Variants in NHS observed in about 807,000 individuals in gnomAD.
NHS encodes the protein NHS actin remodeling regulator, also known as actin remodeling regulator NHS.
Under a neutral mutation model 72.5 loss-of-function variants are expected in NHS, and 5 were observed. The observed-to-expected ratio is 0.07, with a 90% CI of 0.04 to 0.14. NHS has a LOEUF of 0.14. NHS is among the 10% of genes least tolerant of loss of function. NHS has a pLI of 1.00. For missense variants in NHS, 1,072 were observed against 1,355.7 expected, an observed-to-expected ratio of 0.79 and a Z score of 3.29; for synonymous variants, 464 against 547.7, an observed-to-expected ratio of 0.85 and a Z score of 2.13.
intron 1 of NHS, among the ~76,000 whole-genome samples, chrX:17,454,924 T>C (rs2064820051): frequency 9.0e-6 from 1 of 111,524 alleles, no homozygotes; most frequent in Non-Finnish European, 1.9e-5. Context: ...CAAATTGCAA[T>C]AAGAGAGTTT....
intron 1 of NHS, among the ~76,000 whole-genome samples, chrX:17,477,458 A>G (rs1785422023): frequency 8.9e-6 from 1 of 112,265 alleles, no homozygotes; most frequent in African/African-American, 3.2e-5. Context: ...GGTGAGGGCA[A>G]CAGTGCAAGA....
intron 1 of NHS, among the ~76,000 whole-genome samples, chrX:17,616,197 CAAGTT>C (rs1222130300): frequency 1.8e-5 from 2 of 112,316 alleles, no homozygotes; most frequent in Non-Finnish European, 3.8e-5. Flanking sequence ...AAGGGCAAGT[CAAGTT>C]GAGACACTGT....
At chrX:17,536,726 C>G (rs1026220846) in intron 1 of NHS, among the ~76,000 whole-genome samples, 2 of 112,473 alleles carry the variant, frequency 1.8e-5, no homozygotes, top group Non-Finnish European at 3.8e-5. Flanking sequence ...AGATAGGTCT[C>G]ACTTATGCCA....
chrX:17,606,937 C>T (rs933996436), intron 1 of NHS, among the ~76,000 whole-genome samples: 2 of 112,161 alleles, frequency 1.8e-5, no homozygotes, highest in African/African-American at 3.2e-5. Flanking sequence ...AACAACAACA[C>T]TATGAGGTAG....
In NHS at chrX:17,725,486, C is replaced by A. The variant is rs768670265; in HGVS notation, c.1380C>A (p.Ser460=). The A allele has an allele frequency of 8.3e-7, 1 of 1,209,741 alleles. No homozygotes were observed. The highest frequency in any genetic ancestry group is 1.8e-5 in the South Asian group (1 of 56,770). ...QTEDILIAAP[S]RRRIRAQRGQ... is the part of the protein sequence containing the mutation. Reference sequence around the variant, plus strand: ...AGGATATTCTGATTGCTGCCCCATCCAGAAGGAGAATCAGAGCTCAAAGGG... The same window carrying A: ...AGGATATTCTGATTGCTGCCCCATCAAGAAGGAGAATCAGAGCTCAAAGGG... Residue 460 remains serine, a synonymous_variant, in exon 7 of 9, where the codon TCC becomes TCA. Coordinates refer to ENST00000676302, the MANE Select transcript of NHS (RefSeq NM_001291867.2).
At chrX:17,719,153 GGAGAAGGAAGGAATAAT>G (rs2066390177) in intron 3 of NHS, 174 bp from the exon 4 acceptor site, 1 of 370,238 alleles carries the variant, frequency 2.7e-6, no homozygotes, top group South Asian at 5.5e-5. Context: ...GGAATAATAA[GGAGAAGGAAGGAATAAT>G]GAGAAGGAAG....
At chrX:17,558,450 T>A (rs2065393121) in intron 1 of NHS, among the ~76,000 whole-genome samples, 1 of 112,349 alleles carries the variant, frequency 8.9e-6, no homozygotes, top group Non-Finnish European at 1.9e-5. Flanking sequence ...CTTTCAGAAG[T>A]CTGTTTTCCA....
At chrX:17,465,426 C>A (rs972843619) in intron 1 of NHS, among the ~76,000 whole-genome samples, 1 of 111,479 alleles carries the variant, frequency 9.0e-6, no homozygotes, top group Non-Finnish European at 1.9e-5. Flanking sequence ...AAGGAAAGGA[C>A]TCTTTATGCC....
intron 3 of NHS, among the ~76,000 whole-genome samples, chrX:17,709,927 G>A (rs182175268): frequency 1.9e-4 from 21 of 111,725 alleles, no homozygotes; most frequent in Non-Finnish European, 4.0e-4. Context: ...CTCTGACAGG[G>A]GCCATAATGA....
chrX:17,436,990 A>G (rs940561640), intron 1 of NHS, among the ~76,000 whole-genome samples: 2 of 111,928 alleles, frequency 1.8e-5, no homozygotes, highest in East Asian at 5.6e-4. Context: ...ACCTCAGCAG[A>G]GATGGCAGGT....
chrX:17,618,356 C>T lies in NHS; in HGVS notation c.566-69386C>T, dbSNP rs750802367. ...CTTCCCAAACTCTCCAGTCTTTCTC[C>T]TTGCTCCATTATTTTGTTCAGACAA... On this transcript the variant is annotated intron_variant, in intron 1 of 8. Coordinates refer to ENST00000676302, the MANE Select transcript of NHS (RefSeq NM_001291867.2). 3.6e-5 allele frequency among the ~76,000 whole-genome samples: 4 copies of T among 112,174 alleles called. No individual in the cohort carries two copies. The South Asian group carries it at 1.1e-3, about 31-fold the overall frequency.
chrX:17,548,177 C>T, intron 1 of NHS, among the ~76,000 whole-genome samples: 1 of 111,659 alleles, frequency 9.0e-6, no homozygotes, highest in Middle Eastern at 4.6e-3. Flanking sequence ...CTTGTTTCCA[C>T]AAGGGGGCTG....
intron 1 of NHS, among the ~76,000 whole-genome samples, chrX:17,683,649 G>C (rs1165379865): frequency 1.8e-5 from 2 of 111,815 alleles, no homozygotes; most frequent in East Asian, 5.5e-4. Flanking sequence ...ACCTGGCTTA[G>C]AACTTGGCAT....
chrX:17,693,383 G>T (rs915474834), intron 3 of NHS, among the ~76,000 whole-genome samples: 1 of 112,458 alleles, frequency 8.9e-6, no homozygotes, highest in Non-Finnish European at 1.9e-5. Context: ...CACACTGCCT[G>T]TCTGAATGTC....
chrX:17,536,456 C>A (rs1384268498), intron 1 of NHS, among the ~76,000 whole-genome samples: 1 of 112,698 alleles, frequency 8.9e-6, no homozygotes, highest in Non-Finnish European at 1.9e-5. Context: ...CCAGCTCATC[C>A]CTGGGCAATA....
intron 1 of NHS, among the ~76,000 whole-genome samples, chrX:17,568,993 A>G (rs1460547353): frequency 1.8e-5 from 2 of 111,124 alleles, no homozygotes; most frequent in East Asian, 2.8e-4. Flanking sequence ...AAGGACAGGA[A>G]CTCATCCTTT....
Position 17,662,781 on chromosome X carries a change from G to A in NHS, c.566-24961G>A, listed in dbSNP as rs181291684. Among the ~76,000 whole-genome samples the A allele has an allele frequency of 8.9e-5, 10 of 111,827 alleles. No individual in the cohort carries two copies. In the East Asian group the frequency reaches 2.8e-3, roughly 31 times the overall value. On this transcript the variant is annotated intron_variant, in intron 1 of 8. Transcript: ENST00000676302. ...AAAGGTGATTCATCAGATGTCTTTT[G>A]GTCTATCTCACCACAGTTAAGAAAT...
At chrX:17,668,313 C>CAA (rs770728063) in intron 1 of NHS, among the ~76,000 whole-genome samples, 1 of 106,947 alleles carries the variant, frequency 9.4e-6, no homozygotes, top group South Asian at 4.0e-4. Context: ...ATTAAGAATA[C>CAA]AAAAAAAAAT....
chrX:17,496,747 C>A (rs2065014327), intron 1 of NHS, among the ~76,000 whole-genome samples: 1 of 111,912 alleles, frequency 8.9e-6, no homozygotes, highest in African/African-American at 3.3e-5. Context: ...TTTTGCAAAA[C>A]CCTCTCCCAA....
Sources: allele counts gnomAD v4.1 joint callset (sites outside exome capture counted in the v4.1 genomes callset), GRCh38; gene constraint gnomAD v4.1.1; transcripts MANE v1.5; gene names NCBI Gene and HGNC (gene_info 2026-07-23, HGNC 2026-07-21).